The following ABCC5 variants were observed in gnomAD, a reference collection of about 807,000 sequenced individuals.
ABCC5 encodes the protein ATP-binding cassette sub-family C member 5.
Under a neutral mutation model 160.9 loss-of-function variants are expected in ABCC5, and 61 were observed. That is an observed-to-expected ratio of 0.38 (90% CI 0.31 to 0.47). The LOEUF is 0.47. Among genes scored for constraint, ABCC5 ranks in the 20% least tolerant of loss-of-function variants. The probability of loss-of-function intolerance (pLI) is 0.99; values close to 1 mark genes in which losing one functional copy is unlikely to be tolerated. For missense variants in ABCC5, 1,308 were observed against 1,813.3 expected, an observed-to-expected ratio of 0.72 and a Z score of 5.06; for synonymous variants, 666 against 700.6, an observed-to-expected ratio of 0.95 and a Z score of 0.78.
In ABCC5 at chr3:183,988,618, C is replaced by G; in HGVS notation, c.397G>C (p.Val133Leu). ...GACTCGTGCTTGGACAGAGACCACA[C>G]GTCTTCCATTGAGAGCTCCCCCTTC... ...HKKGELSMED[V>L]WSLSKHESSD... The change falls in exon 4 of 30, where the codon GTG (valine) becomes CTG (leucine). Residue 133 changes from valine to leucine, a missense_variant. Around this residue, in one of 3 missense-constraint regions of ABCC5, gnomAD observed 1,142 missense variants for 1,527.1 expected, o/e 0.75. Coordinates refer to ENST00000334444, the MANE Select transcript of ABCC5 (RefSeq NM_005688.4). This position sits in a 1 kb window ranked among gnomAD's most constrained non-coding sequence, Gnocchi z 4.4. 1 of 1,614,244 alleles carries G rather than the reference C, an allele frequency of 6.2e-7. No individual in the cohort carries two copies. Among genetic ancestry groups the G allele is most frequent in the Non-Finnish European group, 8.5e-7 (1 of 1,180,036 alleles).
Position 183,961,660 on chromosome 3 carries a change from G to C in ABCC5, c.2236-6C>G. 1 of 1,614,058 alleles carries C rather than the reference G, an allele frequency of 6.2e-7. No individual in the cohort carries two copies. The highest frequency in any genetic ancestry group is 8.5e-7 in the Non-Finnish European group (1 of 1,179,978). On this transcript the variant is annotated splice_region_variant and splice_polypyrimidine_tract_variant and intron_variant, in intron 15 of 29. Transcript: ENST00000334444. ...TCATCACAGTCAACCAGGTACTGAA[G>C]GCAAAGGCAGAGACAACACAATATG... is the stretch of plus-strand genomic sequence containing the variant.
chr3:183,972,296 T>C (rs990494519), intron 10 of ABCC5, among the ~76,000 whole-genome samples: 1 of 152,154 alleles, frequency 6.6e-6, no homozygotes, highest in Non-Finnish European at 1.5e-5. Flanking sequence ...TGACCTCCAG[T>C]ACAGATGCTC....
At chr3:183,957,364 G>GTAAA (rs1716170364) in intron 17 of ABCC5, among the ~76,000 whole-genome samples, 1 of 51,654 alleles carries the variant, frequency 1.9e-5, no homozygotes, top group East Asian at 9.2e-4. Context: ...TTACATGCGG[G>GTAAA]TCCGTGTGTA....
intron 5 of ABCC5, chr3:183,983,992 T>C (rs941684134): frequency 2.0e-6 from 2 of 985,260 alleles, no homozygotes; most frequent in African/African-American, 1.7e-5. Context: ...AAGTAGTATA[T>C]CAGGCTGACA....
At chr3:183,946,434 T>C (rs1329626908) in intron 23 of ABCC5, among the ~76,000 whole-genome samples, 7 of 152,182 alleles carry the variant, frequency 4.6e-5, no homozygotes. Context: ...CCCCAACCAG[T>C]TGTCAAGTAA....
chr3:183,958,741 G>A (rs1442717749), intron 17 of ABCC5, among the ~76,000 whole-genome samples: 1 of 151,962 alleles, frequency 6.6e-6, no homozygotes, highest in Non-Finnish European at 1.5e-5. Flanking sequence ...TGGGACTACA[G>A]GTATGTGCCA....
chr3:183,996,906 T>C (rs1489219021), intron 2 of ABCC5, among the ~76,000 whole-genome samples: 1 of 152,200 alleles, frequency 6.6e-6, no homozygotes, highest in Non-Finnish European at 1.5e-5. Context: ...GTCAATCTTG[T>C]TGTCATATCT....
Position 183,971,686 on chromosome 3 carries a change from T to G in ABCC5, c.1638A>C (p.Lys546Asn). The stretch of plus-strand genomic sequence containing the variant: ...CGTCACTGTCCAGGAGGAGGTGGCC[T>G]TTCTGCTCTGCCAGCACCGCCTGAT... ...TEHQAVLAEQ[K>N]GHLLLDSDER... The change falls in exon 11 of 30, where the codon AAA becomes AAC. Residue 546 changes from lysine to asparagine, a missense_variant. Lys to Asn is a moderately conservative substitution (Grantham distance 94). Transcript: ENST00000334444. 2.5e-6 allele frequency: 4 copies of G among 1,614,190 alleles called. No homozygotes were observed. Among genetic ancestry groups the G allele is most frequent in the Non-Finnish European group, 3.4e-6 (4 of 1,180,026 alleles).
chr3:183,977,764 T>C, intron 9 of ABCC5, 140 bp from the exon 10 acceptor site: 3 of 612,768 alleles, frequency 4.9e-6, no homozygotes, highest in Non-Finnish European at 8.4e-6. Context: ...TACATTTTTT[T>C]TTTTTTGAGA....
Position 183,988,676 on chromosome 3 carries a change from C to A in ABCC5, c.339G>T (p.Ser113=), listed in dbSNP as rs765346379. The A allele has an allele frequency of 2.0e-5, 32 of 1,614,020 alleles. No homozygotes were observed. The South Asian group carries it at 3.5e-4, about 18-fold the overall frequency. The change falls in exon 4 of 30, where the codon TCG becomes TCT. Residue 113 remains serine (S), a synonymous_variant. Transcript: ENST00000334444. The surrounding 1 kb of genome is among the most constrained non-coding windows in gnomAD (Gnocchi z 4.4). Reference sequence around the variant, plus strand: ...CCACACGGGCCAGAGAAGAAAGCCACGAAAAAGTCATACAGGAAAAAAGCC... The same window carrying A: ...CCACACGGGCCAGAGAAGAAAGCCAAGAAAAAGTCATACAGGAAAAAAGCC... The part of the protein sequence containing the change: ...NAGLFSCMTF[S]WLSSLARVAH...
At chr3:183,952,142 C>CAA in intron 18 of ABCC5, 139 bp from the exon 19 acceptor site, 3 of 586,476 alleles carry the variant, frequency 5.1e-6, no homozygotes, top group Non-Finnish European at 7.8e-6. Context: ...CTTTGTCCAC[C>CAA]TCTTTTTTTT....
At chr3:183,955,781 ATC>A (rs1400444932) in intron 17 of ABCC5, among the ~76,000 whole-genome samples, 9 of 142,710 alleles carry the variant, frequency 6.3e-5, no homozygotes, top group Non-Finnish European at 1.1e-4. Context: ...TGTATATTAC[ATC>A]TGTTACATGC....
At chr3:184,002,475 T>G (rs1486969589) in intron 2 of ABCC5, among the ~76,000 whole-genome samples, 1 of 151,206 alleles carries the variant, frequency 6.6e-6, no homozygotes, top group Non-Finnish European at 1.5e-5. Flanking sequence ...CAAACAAAGA[T>G]CAGGGAAACA....
At position 184,016,553 on chromosome 3, in the gene ABCC5, T is replaced by C. The variant is rs192262145; in HGVS notation, c.-56+1277A>G. On this transcript the variant is annotated intron_variant, in intron 1 of 29. Transcript: ENST00000334444. The stretch of plus-strand genomic sequence containing the variant: ...AAGGATGGATCCCCAGGCCAGCCAT[T>C]TTACTGATACTATTTATATTTCCCT... Among the ~76,000 whole-genome samples, 37 of 152,340 alleles carry C rather than the reference T, an allele frequency of 2.4e-4. No individual in the cohort carries two copies. In the East Asian group the frequency reaches 6.9e-3, roughly 29 times the overall value.
chr3:183,959,393 T>C (rs897806184), intron 17 of ABCC5, among the ~76,000 whole-genome samples: 3 of 152,220 alleles, frequency 2.0e-5, no homozygotes, highest in African/African-American at 7.2e-5. Flanking sequence ...GGACTTTTCA[T>C]GAGCAGAGGC....
chr3:183,973,523 T>G (rs1414305212), intron 10 of ABCC5, among the ~76,000 whole-genome samples: 1 of 152,158 alleles, frequency 6.6e-6, no homozygotes, highest in African/African-American at 2.4e-5. Flanking sequence ...CCCCCAGCTA[T>G]CTTAAAGTTT....
Position 183,982,956 on chromosome 3 carries a change from G to C in ABCC5, c.643C>G (p.Leu215Val). ...AGCACTAACAACAAGCTGTACTGCAGGTTAGACTCTGTTGCCTGGGTATAC... is the reference window on the plus strand; with the variant it reads ...AGCACTAACAACAAGCTGTACTGCACGTTAGACTCTGTTGCCTGGGTATAC... ...LEYTQATESN[L>V]QYSLLLVLGL... Residue 215 changes from leucine (L) to valine (V), a missense_variant, in exon 6 of 30, where the codon CTG becomes GTG. By Grantham distance (32) the Leu-to-Val change is conservative. Around this residue, in one of 3 missense-constraint regions of ABCC5, gnomAD observed 1,142 missense variants for 1,527.1 expected, o/e 0.75. Transcript: ENST00000334444. This position sits in a 1 kb window ranked among gnomAD's most constrained non-coding sequence, Gnocchi z 5.2. 1 of 1,614,226 alleles carries C rather than the reference G, an allele frequency of 6.2e-7. No homozygotes were observed. The highest frequency in any genetic ancestry group is 8.5e-7 in the Non-Finnish European group (1 of 1,180,044).
At chr3:183,961,477 G>A (rs1468736722) in intron 16 of ABCC5, 34 bp downstream of exon 16, 5 of 1,610,684 alleles carry the variant, frequency 3.1e-6, no homozygotes, top group Middle Eastern at 1.7e-4. Context: ...TGCAGAGACA[G>A]AAGGGGACAC....
chr3:183,956,531 G>T (rs1715999501), intron 17 of ABCC5, among the ~76,000 whole-genome samples: 1 of 139,524 alleles, frequency 7.2e-6, no homozygotes, highest in Non-Finnish European at 1.6e-5. Context: ...GTTACATGCA[G>T]ATCAGTGTGT....
Sources: allele counts gnomAD v4.1 joint callset (sites outside exome capture counted in the v4.1 genomes callset), GRCh38; gene constraint gnomAD v4.1.1; regional missense constraint gnomAD v4.1.1; non-coding constraint Gnocchi (gnomAD v3.1); transcripts MANE v1.5; gene names NCBI Gene and HGNC (gene_info 2026-07-23, HGNC 2026-07-21).